The following FAM107B variants were observed in gnomAD, a reference collection of about 807,000 sequenced individuals.
FAM107B encodes the protein family with sequence similarity 107 member B, also known as protein FAM107B.
A neutral mutation model predicts 31.5 loss-of-function variants in FAM107B; 21 were observed. That is an observed-to-expected ratio of 0.67 (90% CI 0.47 to 0.96). The LOEUF (loss-of-function observed/expected upper bound fraction) is 0.96, where lower values mean the gene tolerates loss of function less well. Ranked by LOEUF, FAM107B falls within the 40% of genes least tolerant of loss-of-function variation. The probability of loss-of-function intolerance (pLI) is 0.00; values close to 1 mark genes in which losing one functional copy is unlikely to be tolerated. For synonymous variants in FAM107B, 157 were observed against 141.5 expected (o/e 1.11, Z -0.78); for missense variants, 452 against 377.1 (o/e 1.20, Z -1.64).
intron 1 of FAM107B, among the ~76,000 whole-genome samples, chr10:14,773,762 T>A (rs1442746560): frequency 6.6e-6 from 1 of 152,330 alleles, no homozygotes; most frequent in African/African-American, 2.4e-5. Context: ...CCACTAGGCA[T>A]ACACTGATGA....
intron 2 of FAM107B, among the ~76,000 whole-genome samples, chr10:14,539,713 A>AG (rs529991802): frequency 6.6e-6 from 1 of 152,338 alleles, no homozygotes; most frequent in South Asian, 2.1e-4. Context: ...AAATGGCTTA[A>AG]GGGGGGAATA....
At chr10:14,552,805 C>T (rs1404083290) in intron 2 of FAM107B, among the ~76,000 whole-genome samples, 3 of 151,862 alleles carry the variant, frequency 2.0e-5, no homozygotes, top group Non-Finnish European at 2.9e-5. Context: ...TACTGGGTGA[C>T]AGAGTAAGAC....
chr10:14,774,516 A>G lies in FAM107B; in HGVS notation c.148T>C (p.Ser50Pro), dbSNP rs1588773492. 6.2e-7 allele frequency: 1 copy of G among 1,614,068 alleles called. No individual in the cohort carries two copies. The change falls in exon 1 of 5, where the codon TCC becomes CCC. Residue 50 changes from serine (S) to proline (P), a missense_variant. Coordinates refer to ENST00000181796, the MANE Select transcript of FAM107B (RefSeq NM_031453.4). The part of the protein sequence containing the change: ...FNQSGVADTH[S>P]TVRVQPVAKA... The stretch of plus-strand genomic sequence containing the variant: ...GCCACAGGCTGCACACGGACGGTGG[A>G]ATGAGTATCAGCCACGCCGGACTGA...
At chr10:14,617,469 A>G (rs777585086) in intron 2 of FAM107B, among the ~76,000 whole-genome samples, 12 of 152,294 alleles carry the variant, frequency 7.9e-5, no homozygotes, top group Non-Finnish European at 1.5e-4. Flanking sequence ...CTTTTCAAAA[A>G]TGGTCTAAAC....
intron 1 of FAM107B, among the ~76,000 whole-genome samples, chr10:14,674,122 C>T (rs1199242010): frequency 2.0e-5 from 3 of 152,126 alleles, no homozygotes; most frequent in Non-Finnish European, 2.9e-5. Flanking sequence ...AAGACTTAAA[C>T]GTAAGACCCG....
chr10:14,664,027 C>T (rs1055435737), intron 2 of FAM107B, among the ~76,000 whole-genome samples: 1 of 152,018 alleles, frequency 6.6e-6, no homozygotes, highest in African/African-American at 2.4e-5. Context: ...CATCTCTGTC[C>T]TTCAAGGCCC....
At chr10:14,771,270 G>T (rs1382668858) in intron 1 of FAM107B, among the ~76,000 whole-genome samples, 1 of 152,160 alleles carries the variant, frequency 6.6e-6, no homozygotes, top group Non-Finnish European at 1.5e-5. Flanking sequence ...ATCTTCTGTG[G>T]TGTTATATAC....
intron 2 of FAM107B, among the ~76,000 whole-genome samples, chr10:14,609,654 G>C (rs1852679277): frequency 6.6e-6 from 1 of 152,134 alleles, no homozygotes; most frequent in Admixed American, 6.5e-5. Context: ...TTCCTATCTT[G>C]ACAGGTAACT....
intron 1 of FAM107B, among the ~76,000 whole-genome samples, chr10:14,722,063 GATTT>G (rs1449665187): frequency 3.9e-5 from 6 of 152,022 alleles, no homozygotes; most frequent in African/African-American, 1.2e-4. Flanking sequence ...CTTTTTTATG[GATTT>G]ATTTTCTAAG....
chr10:14,526,767 T>C (rs1431061310), intron 3 of FAM107B, among the ~76,000 whole-genome samples: 1 of 152,188 alleles, frequency 6.6e-6, no homozygotes, highest in Non-Finnish European at 1.5e-5. Flanking sequence ...TTTAAGTAAC[T>C]GACCTATTTA....
chr10:14,594,785 A>C (rs938612604), intron 2 of FAM107B, among the ~76,000 whole-genome samples: 2 of 152,210 alleles, frequency 1.3e-5, no homozygotes, highest in Non-Finnish European at 2.9e-5. Context: ...TAGAAATCAC[A>C]GAAAATAATG....
intron 2 of FAM107B, among the ~76,000 whole-genome samples, chr10:14,651,995 G>A (rs1290581174): frequency 1.3e-5 from 2 of 152,214 alleles, no homozygotes; most frequent in Non-Finnish European, 2.9e-5. Flanking sequence ...CTTGAAGCTT[G>A]AAGCCAGGAT....
At chr10:14,544,067 G>T (rs79892060) in intron 2 of FAM107B, among the ~76,000 whole-genome samples, 15 of 152,084 alleles carry the variant, frequency 9.9e-5, no homozygotes, top group African/African-American at 3.6e-4. Flanking sequence ...CTCACTCCAG[G>T]CACCCCGAGG....
intron 1 of FAM107B, among the ~76,000 whole-genome samples, chr10:14,733,948 A>G (rs144342354): frequency 6.0e-4 from 91 of 152,292 alleles, no homozygotes; most frequent in African/African-American, 2.1e-3. Flanking sequence ...GGCACCTGGT[A>G]TTTAGAGAGG....
chr10:14,733,072 C>A (rs1436780238), intron 1 of FAM107B, among the ~76,000 whole-genome samples: 2 of 146,832 alleles, frequency 1.4e-5, no homozygotes, highest in Non-Finnish European at 3.0e-5. Flanking sequence ...TTATTAGATA[C>A]AATGTAGTCT....
At chr10:14,546,743 TTAAG>T (rs1266257582) in intron 2 of FAM107B, among the ~76,000 whole-genome samples, 3 of 152,178 alleles carry the variant, frequency 2.0e-5, no homozygotes, top group Admixed American at 6.5e-5. Context: ...CAGAATGAAA[TTAAG>T]TAAGTTGGTG....
At chr10:14,542,671 T>A (rs1848325950) in intron 2 of FAM107B, 1 of 152,224 alleles carries the variant, frequency 6.6e-6, no homozygotes, top group African/African-American at 2.4e-5. Context: ...TCTGTCTTCA[T>A]TTGATCTTGA....
chr10:14,722,810 T>A (rs920670701), intron 1 of FAM107B, among the ~76,000 whole-genome samples: 1 of 152,204 alleles, frequency 6.6e-6, no homozygotes, highest in Non-Finnish European at 1.5e-5. Flanking sequence ...TGAAAGTTTT[T>A]AATTTTGATA....
intron 1 of FAM107B, among the ~76,000 whole-genome samples, chr10:14,739,911 T>C (rs1238520085): frequency 6.6e-6 from 1 of 152,154 alleles, no homozygotes; most frequent in East Asian, 1.9e-4. Context: ...CTATCTCTAG[T>C]TGGTCTATCC....
Sources: allele counts gnomAD v4.1 joint callset (sites outside exome capture counted in the v4.1 genomes callset), GRCh38; gene constraint gnomAD v4.1.1; transcripts MANE v1.5; gene names NCBI Gene and HGNC (gene_info 2026-07-23, HGNC 2026-07-21).